MMEL1: variants seen among roughly 807,000 people sequenced by gnomAD.
The protein encoded by MMEL1 is membrane metalloendopeptidase like 1.
A neutral mutation model predicts 117.1 loss-of-function variants in MMEL1; 98 were observed. That is an observed-to-expected ratio of 0.84 (90% CI 0.71 to 0.99). MMEL1 has a LOEUF of 0.99. Among genes scored for constraint, MMEL1 ranks in the 50% least tolerant of loss-of-function variants. The pLI is 0.00. For missense variants in MMEL1, 1,014 were observed against 1,049.1 expected (o/e 0.97, Z 0.46); for synonymous variants, 390 against 415.1 (o/e 0.94, Z 0.74).
chr1:2,627,162 T>G (rs1638314676), intron 2 of MMEL1, among the ~76,000 whole-genome samples: 1 of 152,250 alleles, frequency 6.6e-6, no homozygotes, highest in South Asian at 2.1e-4. Flanking sequence ...AAGTGAAAGA[T>G]ATATTAACTT....
chr1:2,604,120 G>A (rs546628040), intron 10 of MMEL1, 27 bp downstream of exon 10: 8 of 1,329,952 alleles, frequency 6.0e-6, no homozygotes, highest in Admixed American at 5.2e-5. Flanking sequence ...CTCGCTGCCC[G>A]CTCCCCACCC....
intron 4 of MMEL1, 142 bp from the exon 5 acceptor site, chr1:2,609,973 G>T: frequency 1.1e-6 from 1 of 903,778 alleles, no homozygotes; most frequent in Non-Finnish European, 1.6e-6. Context: ...TGTGTGCCCA[G>T]GGAGAGTTAA....
At position 2,591,044 on chromosome 1, in the gene MMEL1, G is replaced by A; in HGVS notation, c.2286C>T (p.Phe762=). The part of the protein sequence containing the change: ...LQNLAAFADT[F]HCARGTPMHP... ...GCATGGGGGTGCCCCGGGCACAGTG[G>A]AACGTGTCTGCGAAGGCGGCCAGGT... The change falls in exon 24 of 24, where the codon TTC becomes TTT. Residue 762 remains phenylalanine (F), a synonymous_variant. Transcript: ENST00000378412. 2 of 1,606,998 alleles carry A rather than the reference G, an allele frequency of 1.2e-6. No homozygotes were observed. The highest frequency in any genetic ancestry group is 1.7e-6 in the Non-Finnish European group (2 of 1,177,480).
Position 2,611,354 on chromosome 1 carries a change from G to A in MMEL1, c.233-14C>T. The A allele has an allele frequency of 1.3e-6, 2 of 1,510,098 alleles. No individual in the cohort carries two copies. The highest frequency in any genetic ancestry group is 8.9e-7 in the Non-Finnish European group (1 of 1,128,944). 93.5% of individuals were successfully genotyped at this position (1,510,098 alleles called of 1,614,324 possible). On this transcript the variant is annotated splice_polypyrimidine_tract_variant and intron_variant, in intron 3 of 23. Coordinates refer to ENST00000378412, the MANE Select transcript of MMEL1 (RefSeq NM_033467.4). The stretch of plus-strand genomic sequence containing the variant: ...CCTCTGGGATCCCTGCGGGCAAGGA[G>A]CAGCCTGAGCACCGGGAGCCACGGA...
chr1:2,590,747 G>A lies in MMEL1; in HGVS notation c.*243C>T, dbSNP rs777794575. ...TTGATTGTCTCTACAGAGCTGTGAC[G>A]GGGGCACTGAGCCCCGCGGGTGTCT... On this transcript the variant is annotated 3_prime_UTR_variant, in exon 24 of 24. Coordinates refer to ENST00000378412, the MANE Select transcript of MMEL1 (RefSeq NM_033467.4). 10 of 398,882 alleles carry A rather than the reference G, an allele frequency of 2.5e-5. No homozygotes were observed. In the South Asian group the frequency reaches 3.4e-4, roughly 13 times the overall value. 24.7% of individuals were successfully genotyped at this position (398,882 alleles called of 1,614,324 possible).
Position 2,591,958 on chromosome 1 carries a change from G to A in MMEL1, c.2137C>T (p.Gln713Ter), listed in dbSNP as rs771512368. Residue 713 changes from glutamine to a stop codon, truncating the protein, a stop_gained, in exon 22 of 24, where the codon CAG becomes TAG. Transcript: ENST00000378412. LOFTEE classifies it high-confidence loss of function. ...QLPGLDLTHE[Q>*]LFFINYAQVW... ...TGGGCATAGTTGATGAAGAAGAGCT[G>A]CTCATGGGTGAGATCCAGGCCGGGC... 5 of 1,613,322 alleles carry A rather than the reference G, an allele frequency of 3.1e-6. No individual in the cohort carries two copies. Among genetic ancestry groups the A allele is most frequent in the Non-Finnish European group, 4.2e-6 (5 of 1,179,848 alleles).
intron 2 of MMEL1, among the ~76,000 whole-genome samples, chr1:2,625,319 A>G (rs1638228362): frequency 6.6e-6 from 1 of 152,204 alleles, no homozygotes; most frequent in Non-Finnish European, 1.5e-5. Context: ...CACACTCCTC[A>G]TCTGGGCGAG....
chr1:2,623,250 CTTGTA>C (rs1397180473), intron 2 of MMEL1, among the ~76,000 whole-genome samples: 1 of 151,670 alleles, frequency 6.6e-6, no homozygotes, highest in African/African-American at 2.4e-5. Flanking sequence ...GTTCTAAATG[CTTGTA>C]TTGTTTGGAA....
intron 2 of MMEL1, among the ~76,000 whole-genome samples, chr1:2,625,242 G>T (rs1472294173): frequency 6.6e-6 from 1 of 152,130 alleles, no homozygotes; most frequent in African/African-American, 2.4e-5. Context: ...TCAAAATTCC[G>T]AGTCCAAAGT....
At chr1:2,616,946 T>C (rs1645210790) in intron 2 of MMEL1, among the ~76,000 whole-genome samples, 1 of 152,238 alleles carries the variant, frequency 6.6e-6, no homozygotes, top group African/African-American at 2.4e-5. Flanking sequence ...CCTGAGGATG[T>C]AGTGAGCTCC....
Position 2,596,019 on chromosome 1 carries a change from G to A in MMEL1, c.1490C>T (p.Ala497Val), listed in dbSNP as rs1168551929. 16 of 1,613,706 alleles carry A rather than the reference G, an allele frequency of 9.9e-6. No homozygotes were observed. The highest frequency in any genetic ancestry group is 2.2e-5 in the East Asian group (1 of 44,822). The change falls in exon 15 of 24, where the codon GCG becomes GTG. Residue 497 changes from alanine (A) to valine (V), a missense_variant. Coordinates refer to ENST00000378412, the MANE Select transcript of MMEL1 (RefSeq NM_033467.4). The part of the protein sequence containing the change: ...GWMDEESKKK[A>V]QEKAMSIREQ... ...CTGCGAGCCACATACCTTCTCCTGCGCCTTCTTCTTGGACTCCTCGTCCAT... is the reference window on the plus strand; with the variant it reads ...CTGCGAGCCACATACCTTCTCCTGCACCTTCTTCTTGGACTCCTCGTCCAT...
chr1:2,623,314 A>C (rs184115710), intron 2 of MMEL1, among the ~76,000 whole-genome samples: 21 of 152,360 alleles, frequency 1.4e-4, no homozygotes, highest in Admixed American at 3.3e-4. Context: ...AAATAAGCAT[A>C]AAAATTTAAG....
In MMEL1 at chr1:2,594,756, C is replaced by T. The variant is rs560404997; in HGVS notation, c.1688+34G>A. ...CGCCTTACTGGCCACTCCCTGGCCC[C>T]CCCCGCCCATGCCGCACCAGCGATG... On this transcript the variant is annotated intron_variant, in intron 17 of 23. Coordinates refer to ENST00000378412, the MANE Select transcript of MMEL1 (RefSeq NM_033467.4). The T allele has an allele frequency of 1.5e-5, 23 of 1,574,216 alleles. No individual in the cohort carries two copies. The African/African-American group carries it at 2.3e-4, about 16-fold the overall frequency.
In MMEL1 at chr1:2,595,511, C is replaced by T. The variant is rs770807500; in HGVS notation, c.1501-152G>A. The T allele has an allele frequency of 1.5e-5, 10 of 664,320 alleles. No individual in the cohort carries two copies. Among genetic ancestry groups the T allele is most frequent in the East Asian group, 2.6e-5 (1 of 37,884 alleles). The allele number at this position is 664,320 out of a possible 1,614,324, so 41.2% of individuals were successfully genotyped here. A position where few individuals can be genotyped will look rare whatever the true frequency, so the allele number is the denominator to read the frequency against. Reference sequence around the variant, plus strand: ...CCTGTGGTGAGGGGCTGGGGGGCTCCGGGATCTGGCCCCCACCTTGCAGGC... The same window carrying T: ...CCTGTGGTGAGGGGCTGGGGGGCTCTGGGATCTGGCCCCCACCTTGCAGGC... On this transcript the variant is annotated intron_variant, in intron 15 of 23. Coordinates refer to ENST00000378412, the MANE Select transcript of MMEL1 (RefSeq NM_033467.4). This position sits in a 1 kb window ranked among gnomAD's most constrained non-coding sequence, Gnocchi z 4.8.
intron 1 of MMEL1, among the ~76,000 whole-genome samples, chr1:2,631,008 C>T (rs369757636): frequency 4.0e-5 from 6 of 150,654 alleles, no homozygotes; most frequent in East Asian, 2.0e-4. Flanking sequence ...TGTGCGTGTG[C>T]GCTCATGTGC....
At chr1:2,591,287 C>A (rs1267222869) in intron 23 of MMEL1, 198 bp from the exon 24 acceptor site, 3 of 596,452 alleles carry the variant, frequency 5.0e-6, no homozygotes, top group Non-Finnish European at 8.9e-6. Context: ...TCCCCTCCAG[C>A]CAGAGATATT....
At position 2,592,638 on chromosome 1, in the gene MMEL1, C is replaced by G; in HGVS notation, c.2067+17G>C. 7.1e-7 allele frequency: 1 copy of G among 1,409,704 alleles called. No homozygotes were observed. The highest frequency in any genetic ancestry group is 9.4e-7 in the Non-Finnish European group (1 of 1,058,232). The allele number at this position is 1,409,704 out of a possible 1,614,324, so 87.3% of individuals were successfully genotyped here. ...CTCCCCTGCCGCGCTGACGCCCCCT[C>G]CCCTGCCAGGCCCCACCTTATAGGC... On this transcript the variant is annotated intron_variant, in intron 21 of 23. Transcript: ENST00000378412.
chr1:2,591,922 C>T lies in MMEL1; in HGVS notation c.2163+10G>A, dbSNP rs148615446. The T allele has an allele frequency of 9.6e-4, 1,541 of 1,610,910 alleles. 3 individuals carry two copies. Among genetic ancestry groups the T allele is most frequent in the African/African-American group, 4.1e-3 (308 of 74,984 alleles). On this transcript the variant is annotated intron_variant, in intron 22 of 23. Coordinates refer to ENST00000378412, the MANE Select transcript of MMEL1 (RefSeq NM_033467.4). Reference sequence around the variant, plus strand: ...CATGGGGATGGTGGGACCAGGACTGCGGCTGCCACCTGGGCATAGTTGATG... The same window carrying T: ...CATGGGGATGGTGGGACCAGGACTGTGGCTGCCACCTGGGCATAGTTGATG...
At chr1:2,622,965 C>T (rs894019100) in intron 2 of MMEL1, among the ~76,000 whole-genome samples, 3 of 150,286 alleles carry the variant, frequency 2.0e-5, no homozygotes, top group African/African-American at 7.4e-5. Flanking sequence ...GTCAAGAGAT[C>T]AACACCATCC....
Sources: allele counts gnomAD v4.1 joint callset (sites outside exome capture counted in the v4.1 genomes callset), GRCh38; gene constraint gnomAD v4.1.1; non-coding constraint Gnocchi (gnomAD v3.1); transcripts MANE v1.5; gene names NCBI Gene and HGNC (gene_info 2026-07-23, HGNC 2026-07-21).